Variants in AGAP3 observed in about 807,000 individuals in gnomAD.
The protein encoded by AGAP3 is ArfGAP with GTPase domain, ankyrin repeat and PH domain 3, also known as arf-GAP with GTPase, ANK repeat and PH domain-containing protein 3.
In AGAP3, 24 loss-of-function variants were observed where a neutral mutation model predicts 96.9. The observed-to-expected ratio is 0.25, with a 90% CI of 0.18 to 0.35. The LOEUF (loss-of-function observed/expected upper bound fraction) is 0.35, where lower values mean the gene tolerates loss of function less well. Ranked by LOEUF, AGAP3 falls within the 10% of genes least tolerant of loss-of-function variation. The pLI, the probability that AGAP3 is intolerant of heterozygous loss-of-function variation, is 1.00. For synonymous variants in AGAP3, 563 were observed against 536.1 expected (o/e 1.05, Z -0.69); for missense variants, 876 against 1,254.2 (o/e 0.70, Z 4.55).
chr7:151,106,448 T>C (rs1030366283), intron 1 of AGAP3, among the ~76,000 whole-genome samples: 4 of 152,136 alleles, frequency 2.6e-5, no homozygotes, highest in Non-Finnish European at 5.9e-5. Flanking sequence ...TCCTCTCACC[T>C]TAGGACTACA....
chr7:151,132,776 C>T (rs1205635825), intron 10 of AGAP3, among the ~76,000 whole-genome samples: 1 of 152,234 alleles, frequency 6.6e-6, no homozygotes, highest in Non-Finnish European at 1.5e-5. Context: ...ACCTCCTCAC[C>T]TTCTCTTAGT....
intron 1 of AGAP3, 72 bp downstream of exon 1, chr7:151,087,144 C>T: frequency 6.8e-7 from 1 of 1,471,058 alleles, no homozygotes; most frequent in Non-Finnish European, 9.3e-7. Flanking sequence ...GCTCCACAGG[C>T]CGTGCCTGGC....
At chr7:151,116,188 G>A (rs1029351298) in intron 1 of AGAP3, 1 of 152,792 alleles carries the variant, frequency 6.5e-6, no homozygotes, top group South Asian at 2.1e-4. Flanking sequence ...CTGAAGGGAA[G>A]GGAGCCCAGG....
chr7:151,107,979 G>A (rs1318312606), intron 1 of AGAP3, among the ~76,000 whole-genome samples: 1 of 152,236 alleles, frequency 6.6e-6, no homozygotes, highest in Admixed American at 6.5e-5. Context: ...GCTGTGAGGT[G>A]TAGGATCCTC....
Position 151,142,403 on chromosome 7 carries a change from C to T in AGAP3, c.2051-9C>T, listed in dbSNP as rs748526941. 17 of 1,612,246 alleles carry T rather than the reference C, an allele frequency of 1.1e-5. No individual in the cohort carries two copies. The South Asian group carries it at 1.8e-4, about 17-fold the overall frequency. ...GCTGTCGCTGTATCATTCTCCTCTC[C>T]TTGCCTAGATCCAGACTGGGCCAGC... On this transcript the variant is annotated splice_polypyrimidine_tract_variant and intron_variant, in intron 15 of 17. Transcript: ENST00000397238. This position sits in a 1 kb window ranked among gnomAD's most constrained non-coding sequence, Gnocchi z 7.5.
chr7:151,092,567 G>T (rs1332959741), intron 1 of AGAP3, among the ~76,000 whole-genome samples: 4 of 152,294 alleles, frequency 2.6e-5, no homozygotes, highest in African/African-American at 9.6e-5. Context: ...TTCCACCCGT[G>T]AATGTTCTTC....
chr7:151,116,711 A>G (rs1247762683), intron 1 of AGAP3, 82 bp from the exon 2 acceptor site: 4 of 1,524,824 alleles, frequency 2.6e-6, no homozygotes, highest in Non-Finnish European at 3.6e-6. Flanking sequence ...TGGGGAGGGC[A>G]TCATAGGTGA....
At chr7:151,126,819 AGTGCCGC>A (rs1260229998) in intron 9 of AGAP3, among the ~76,000 whole-genome samples, 1 of 149,470 alleles carries the variant, frequency 6.7e-6, no homozygotes, top group Non-Finnish European at 1.5e-5. Flanking sequence ...AGGTCCCCTT[AGTGCCGC>A]TAGTTTTCAG....
intron 1 of AGAP3, among the ~76,000 whole-genome samples, chr7:151,110,772 C>T (rs998552419): frequency 3.9e-5 from 6 of 151,992 alleles, no homozygotes; most frequent in South Asian, 2.1e-4. Context: ...TAGGAGGGAG[C>T]GCCACCAGGA....
intron 1 of AGAP3, 123 bp from the exon 2 acceptor site, chr7:151,116,670 T>A: frequency 9.5e-7 from 1 of 1,057,756 alleles, no homozygotes. Context: ...GGGGGTCCCG[T>A]GGAGGAAGCT....
At chr7:151,124,507 T>C (rs1195644780) in intron 9 of AGAP3, among the ~76,000 whole-genome samples, 2 of 152,170 alleles carry the variant, frequency 1.3e-5, no homozygotes, top group Non-Finnish European at 2.9e-5. Flanking sequence ...GGCATGTCTT[T>C]GGTGTGTGGG....
intron 10 of AGAP3, among the ~76,000 whole-genome samples, chr7:151,130,211 C>T (rs1432666270): frequency 1.3e-5 from 2 of 152,196 alleles, no homozygotes; most frequent in South Asian, 2.1e-4. Context: ...TAGCTTGGTG[C>T]GCTGTCTGTG....
intron 1 of AGAP3, chr7:151,112,348 G>GT (rs1459416913): frequency 6.5e-6 from 1 of 153,172 alleles, no homozygotes; most frequent in East Asian, 1.9e-4. Flanking sequence ...TTCTGAGACT[G>GT]TAAGATGTTC....
intron 1 of AGAP3, among the ~76,000 whole-genome samples, chr7:151,113,121 TGAGA>T (rs972627224): frequency 6.6e-6 from 1 of 152,138 alleles, no homozygotes; most frequent in Non-Finnish European, 1.5e-5. Flanking sequence ...CTGTTGTGCG[TGAGA>T]GAGAGGGCAG....
At position 151,116,831 on chromosome 7, in the gene AGAP3, T is replaced by G. The variant is rs753276868; in HGVS notation, c.370T>G (p.Ser124Ala). 2 of 1,614,046 alleles carry G rather than the reference T, an allele frequency of 1.2e-6. No homozygotes were observed. Among genetic ancestry groups the G allele is most frequent in the South Asian group, 2.2e-5 (2 of 91,088 alleles). The change falls in exon 2 of 18, where the codon TCC becomes GCC. Residue 124 changes from serine to alanine, a missense_variant. Transcript: ENST00000397238. ...VNSQEWTLSR[S>A]VPELKVGIVG... ...CAGCCAGGAGTGGACGCTGAGCCGC[T>G]CCGTACCGGAGCTTAAAGTGGTGAG...
intron 1 of AGAP3, among the ~76,000 whole-genome samples, chr7:151,105,869 C>CTTTT (rs147301108): frequency 1.7e-5 from 2 of 116,278 alleles, no homozygotes; most frequent in African/African-American, 6.7e-5. Flanking sequence ...AGGTAAGAGT[C>CTTTT]TTTTTTTTTT....
chr7:151,101,890 T>G (rs908108578), intron 1 of AGAP3, among the ~76,000 whole-genome samples: 3 of 152,164 alleles, frequency 2.0e-5, no homozygotes, highest in South Asian at 2.1e-4. Flanking sequence ...GGTGGGCCGG[T>G]GCGCCTGGGT....
chr7:151,090,586 C>T, intron 1 of AGAP3: 1 of 152,648 alleles, frequency 6.6e-6, no homozygotes, highest in Non-Finnish European at 1.5e-5. Context: ...GGTCAAGCCT[C>T]AGCTAGACAG....
rs542197759 is a variant in AGAP3 at position 151,130,027 on chromosome 7, G to A, written c.1326+1343G>A. Among the ~76,000 whole-genome samples the A allele has an allele frequency of 4.6e-5, 7 of 152,326 alleles. No individual in the cohort carries two copies. In the South Asian group the frequency reaches 6.2e-4, roughly 14 times the overall value. On this transcript the variant is annotated intron_variant, in intron 10 of 17. Coordinates refer to ENST00000397238, the MANE Select transcript of AGAP3 (RefSeq NM_031946.7). ...TAAGTCCCAGCCTGAGGTGTTTCACGGCCGACACCAGGCAGCTTAGCCGTG... is the reference window on the plus strand; with the variant it reads ...TAAGTCCCAGCCTGAGGTGTTTCACAGCCGACACCAGGCAGCTTAGCCGTG...
Sources: allele counts gnomAD v4.1 joint callset (sites outside exome capture counted in the v4.1 genomes callset), GRCh38; gene constraint gnomAD v4.1.1; non-coding constraint Gnocchi (gnomAD v3.1); transcripts MANE v1.5; gene names NCBI Gene and HGNC (gene_info 2026-07-23, HGNC 2026-07-21).